NRF1: variants seen among roughly 807,000 people sequenced by gnomAD.
NRF1 encodes nuclear respiratory factor 1.
Under a neutral mutation model 58.5 loss-of-function variants are expected in NRF1, and 5 were observed. The ratio of observed to expected loss-of-function variants is 0.09; its 90% CI spans 0.04 to 0.18. The LOEUF is 0.18. NRF1 is among the 10% of genes least tolerant of loss of function. NRF1 has a pLI of 1.00. For synonymous variants in NRF1, 224 were observed against 246.7 expected (o/e 0.91, Z 0.86); for missense variants, 288 against 657.7 (o/e 0.44, Z 6.15).
chr7:129,616,428 T>TA (rs972630715), intron 1 of NRF1, among the ~76,000 whole-genome samples: 8 of 151,906 alleles, frequency 5.3e-5, no homozygotes, highest in Admixed American at 1.3e-4. Flanking sequence ...ACAGAATATT[T>TA]AAAAAAACAA....
At chr7:129,686,579 T>C (rs1336891678) in intron 4 of NRF1, among the ~76,000 whole-genome samples, 1 of 152,252 alleles carries the variant, frequency 6.6e-6, no homozygotes, top group Admixed American at 6.5e-5. Flanking sequence ...AAAATGAACA[T>C]AATATTTTCC....
chr7:129,666,141 T>C (rs1801916117), intron 2 of NRF1, among the ~76,000 whole-genome samples: 1 of 152,240 alleles, frequency 6.6e-6, no homozygotes, highest in Non-Finnish European at 1.5e-5. Flanking sequence ...GTGCACCCAC[T>C]GCCCAGCTTT....
chr7:129,682,551 A>ATAT (rs1491365706), intron 4 of NRF1, among the ~76,000 whole-genome samples: 2 of 151,666 alleles, frequency 1.3e-5, no homozygotes, highest in Non-Finnish European at 2.9e-5. Flanking sequence ...ATAAACAAGA[A>ATAT]TATAGAGATC....
At chr7:129,688,181 G>C (rs1174573625) in intron 4 of NRF1, among the ~76,000 whole-genome samples, 1 of 152,050 alleles carries the variant, frequency 6.6e-6, no homozygotes, top group East Asian at 1.9e-4. Context: ...ACCCTGGCTG[G>C]AGTGGCACTA....
At chr7:129,735,038 C>A (rs1200960154) in intron 10 of NRF1, 23 of 985,132 alleles carry the variant, frequency 2.3e-5, no homozygotes, top group Non-Finnish European at 1.3e-5. Flanking sequence ...TATTTGTTTC[C>A]CCAGCTCCTC....
chr7:129,621,800 T>C (rs1800802850), intron 1 of NRF1, among the ~76,000 whole-genome samples: 1 of 130,030 alleles, frequency 7.7e-6, no homozygotes, highest in African/African-American at 2.9e-5. Context: ...TTTTTTTTTT[T>C]GAGATACTAT....
At chr7:129,709,941 G>T (rs1584662117) in intron 6 of NRF1, among the ~76,000 whole-genome samples, 1 of 151,928 alleles carries the variant, frequency 6.6e-6, no homozygotes, top group Non-Finnish European at 1.5e-5. Context: ...TGCTGGTCAG[G>T]CTGGTCTCGA....
chr7:129,661,981 G>A (rs1801792698), intron 2 of NRF1, among the ~76,000 whole-genome samples: 1 of 150,824 alleles, frequency 6.6e-6, no homozygotes, highest in South Asian at 2.1e-4. Flanking sequence ...GCAAGGAGGA[G>A]CAAGTCATGT....
chr7:129,742,881 A>G (rs1422461815), intron 10 of NRF1, among the ~76,000 whole-genome samples: 3 of 152,184 alleles, frequency 2.0e-5, no homozygotes, highest in African/African-American at 7.2e-5. Context: ...CCACATTTCA[A>G]GCACTCTGTA....
intron 5 of NRF1, among the ~76,000 whole-genome samples, chr7:129,700,553 T>A (rs1802797826): frequency 6.6e-6 from 1 of 152,222 alleles, no homozygotes. Context: ...CTCTTCTTAC[T>A]GTCTGAAATT....
At position 129,622,639 on chromosome 7, in the gene NRF1, G is replaced by T. The variant is rs533142999; in HGVS notation, c.-7+10815G>T. On this transcript the variant is annotated intron_variant, in intron 1 of 10. Transcript: ENST00000393232. The stretch of plus-strand genomic sequence containing the variant: ...GACTGGAGTGCAGTGGCACAATCTT[G>T]GCTCACTGCAACCTCTGGCTCCCAG... Among the ~76,000 whole-genome samples the T allele has an allele frequency of 1.2e-4, 17 of 146,288 alleles. 1 individual carries two copies. In the South Asian group the frequency reaches 3.6e-3, roughly 31 times the overall value.
intron 2 of NRF1, among the ~76,000 whole-genome samples, chr7:129,659,844 G>C (rs1004346100): frequency 6.6e-6 from 1 of 152,062 alleles, no homozygotes; most frequent in Non-Finnish European, 1.5e-5. Flanking sequence ...CATCTGTTCT[G>C]TATGTATCAT....
intron 3 of NRF1, among the ~76,000 whole-genome samples, chr7:129,675,052 G>A (rs964966799): frequency 2.0e-5 from 3 of 152,136 alleles, no homozygotes; most frequent in African/African-American, 7.2e-5. Context: ...TTCAGTTTGT[G>A]TAATATTCTA....
chr7:129,644,084 GTTTTGTCTTCTCTGTGCTCCCTTA>G (rs1388250456), intron 1 of NRF1, among the ~76,000 whole-genome samples: 17 of 152,180 alleles, frequency 1.1e-4, no homozygotes, highest in African/African-American at 3.9e-4. Context: ...TGTCCTTGCA[GTTTTGTCTTCTCTGTGCTCCCTTA>G]ACCCTTAGCA....
In NRF1 at chr7:129,755,388, AT is replaced by A. The variant is rs1766555466; in HGVS notation, c.*209del. 1 of 536,020 alleles carries A rather than the reference AT, an allele frequency of 1.9e-6. No homozygotes were observed. The highest frequency in any genetic ancestry group is 2.6e-5 in the South Asian group (1 of 39,190). 33.2% of individuals were successfully genotyped at this position (536,020 alleles called of 1,614,324 possible). ...TTTCTGGGATTGGTGAAGAAACTGCATTGTCAATTTCACTGTCCCAAAAAAG... is the reference window on the plus strand; with the variant it reads ...TTTCTGGGATTGGTGAAGAAACTGCATGTCAATTTCACTGTCCCAAAAAAG... On this transcript the variant is annotated 3_prime_UTR_variant, in exon 11 of 11. Transcript: ENST00000393232. The surrounding 1 kb of genome is among the most constrained non-coding windows in gnomAD (Gnocchi z 5.8).
intron 5 of NRF1, among the ~76,000 whole-genome samples, chr7:129,694,790 G>A (rs1437851556): frequency 6.6e-6 from 1 of 152,224 alleles, no homozygotes; most frequent in East Asian, 1.9e-4. Context: ...TTAATACACT[G>A]TTAGTGAGAA....
chr7:129,721,421 T>G (rs924194280), intron 9 of NRF1, among the ~76,000 whole-genome samples: 50 of 152,116 alleles, frequency 3.3e-4, no homozygotes, highest in African/African-American at 1.1e-3. Flanking sequence ...TGTCTTTTTT[T>G]TTGTTGTGAA....
At chr7:129,644,445 T>G (rs925662766) in intron 1 of NRF1, among the ~76,000 whole-genome samples, 1 of 152,246 alleles carries the variant, frequency 6.6e-6, no homozygotes, top group Non-Finnish European at 1.5e-5. Flanking sequence ...GAAATTACCT[T>G]CACACTGATA....
At chr7:129,736,274 ATTTTTTTTTTT>A (rs61690883) in intron 10 of NRF1, among the ~76,000 whole-genome samples, 1 of 97,960 alleles carries the variant, frequency 1.0e-5, no homozygotes, top group African/African-American at 3.8e-5. Context: ...GCTCAATAGA[ATTTTTTTTTTT>A]TTTTTTTTTT....
Sources: allele counts gnomAD v4.1 joint callset (sites outside exome capture counted in the v4.1 genomes callset), GRCh38; gene constraint gnomAD v4.1.1; non-coding constraint Gnocchi (gnomAD v3.1); transcripts MANE v1.5; gene names NCBI Gene and HGNC (gene_info 2026-07-23, HGNC 2026-07-21).